Variants in RBM47 observed in about 807,000 individuals in gnomAD.
RBM47 encodes the protein RNA binding motif protein 47.
In RBM47, 21 loss-of-function variants were observed where a neutral mutation model predicts 47.1. The observed-to-expected ratio is 0.45, with a 90% CI of 0.32 to 0.64. The LOEUF is 0.64. Among genes scored for constraint, RBM47 ranks in the 30% least tolerant of loss-of-function variants. The pLI, the probability that RBM47 is intolerant of heterozygous loss-of-function variation, is 0.05. For missense variants in RBM47, 708 were observed against 870.9 expected, an observed-to-expected ratio of 0.81 and a Z score of 2.35; for synonymous variants, 375 against 361.7, an observed-to-expected ratio of 1.04 and a Z score of -0.42.
chr4:40,600,999 A>AAAAAAAAAG (rs1338188731), intron 1 of RBM47, among the ~76,000 whole-genome samples: 12 of 147,362 alleles, frequency 8.1e-5, no homozygotes, highest in African/African-American at 3.2e-4. Context: ...AAAAAAAAAA[A>AAAAAAAAAG]AAAGAAAGAA....
chr4:40,560,705 G>T (rs1477634179), intron 1 of RBM47, among the ~76,000 whole-genome samples: 2 of 152,200 alleles, frequency 1.3e-5, no homozygotes, highest in African/African-American at 4.8e-5. Flanking sequence ...GGTGGCTCAT[G>T]CCTGTAATCC....
intron 1 of RBM47, among the ~76,000 whole-genome samples, chr4:40,600,693 T>G (rs1477139768): frequency 1.4e-5 from 2 of 139,796 alleles, no homozygotes; most frequent in African/African-American, 2.7e-5. Flanking sequence ...AGAAAGAAGA[T>G]TTCAAGGCCG....
At chr4:40,446,261 T>C (rs909503413) in intron 3 of RBM47, among the ~76,000 whole-genome samples, 2 of 152,138 alleles carry the variant, frequency 1.3e-5, no homozygotes, top group South Asian at 2.1e-4. Context: ...ACCCTACAGA[T>C]AGGGAAACTG....
intron 1 of RBM47, among the ~76,000 whole-genome samples, chr4:40,622,588 A>G (rs1737364844): frequency 1.3e-5 from 2 of 152,188 alleles, no homozygotes; most frequent in Admixed American, 6.5e-5. Flanking sequence ...TCTGTTTTAA[A>G]AAAGTCACTC....
At chr4:40,467,453 C>A (rs185173985) in intron 2 of RBM47, among the ~76,000 whole-genome samples, 82 of 152,172 alleles carry the variant, frequency 5.4e-4, no homozygotes, top group African/African-American at 1.8e-3. Context: ...CCACGCCTGG[C>A]TAATTTTTGT....
At chr4:40,510,616 C>T (rs1724798048) in intron 2 of RBM47, among the ~76,000 whole-genome samples, 1 of 152,138 alleles carries the variant, frequency 6.6e-6, no homozygotes, top group Admixed American at 6.5e-5. Context: ...AGATGAGACC[C>T]TATCCCAGAG....
chr4:40,540,693 G>A (rs1402959488), intron 2 of RBM47, among the ~76,000 whole-genome samples: 2 of 147,124 alleles, frequency 1.4e-5, no homozygotes, highest in Admixed American at 6.8e-5. Flanking sequence ...GGGGAATAAT[G>A]GGGAAAAAAC....
rs747206841 is a variant in RBM47, at chr4:40,432,772, T to C, written c.1421A>G (p.Glu474Gly). The change falls in exon 6 of 7, where the codon GAG (glutamate) becomes GGG (glycine). Residue 474 changes from glutamate to glycine, a missense_variant. Coordinates refer to ENST00000295971, the MANE Select transcript of RBM47 (RefSeq NM_001098634.2). ...CACAGCAATGGGGCTGATCATGTGC[T>C]CCACTGTGTGGATTTTGCCATCTTC... ...MIEDGKIHTV[E>G]HMISPIAVQP... The C allele has an allele frequency of 1.9e-6, 3 of 1,613,530 alleles. No homozygotes were observed. The South Asian group carries it at 3.3e-5, about 18-fold the overall frequency.
At position 40,544,458 on chromosome 4, in the gene RBM47, G is replaced by C. The variant is rs1288301424; in HGVS notation, c.-191C>G. On this transcript the variant is annotated 5_prime_UTR_variant, in exon 2 of 7. Transcript: ENST00000295971. ...AGTGAGCCAAGGATTGCTGATCTCTGCTGGGTGACCTGACGCAGAGTCTCT... is the reference window on the plus strand; with the variant it reads ...AGTGAGCCAAGGATTGCTGATCTCTCCTGGGTGACCTGACGCAGAGTCTCT... The C allele has an allele frequency of 6.6e-6, 1 of 152,198 alleles. No individual in the cohort carries two copies. Among genetic ancestry groups the C allele is most frequent in the Non-Finnish European group, 1.5e-5 (1 of 68,056 alleles). 9.4% of individuals were successfully genotyped at this position (152,198 alleles called of 1,614,324 possible).
chr4:40,583,727 G>A lies in RBM47; in HGVS notation c.-239-39221C>T, dbSNP rs1292099497. Reference sequence around the variant, plus strand: ...CAAAAAATTAGCCGGGCGCGGTGGCGGGCGCCTGTAGTCCCAGCTACTCGA... The same window carrying A: ...CAAAAAATTAGCCGGGCGCGGTGGCAGGCGCCTGTAGTCCCAGCTACTCGA... On this transcript the variant is annotated intron_variant, in intron 1 of 6. Transcript: ENST00000295971. Among the ~76,000 whole-genome samples, 36 of 151,640 alleles carry A rather than the reference G, an allele frequency of 2.4e-4. No individual in the cohort carries two copies. The East Asian group carries it at 4.1e-3, about 17-fold the overall frequency.
intron 6 of RBM47, among the ~76,000 whole-genome samples, chr4:40,430,259 A>T (rs74834163): frequency 6.9e-6 from 1 of 144,042 alleles, no homozygotes; most frequent in African/African-American, 2.6e-5. Context: ...CAAAAAAAAA[A>T]CCCTGATGGC....
At chr4:40,429,992 A>G (rs1278265088) in intron 6 of RBM47, among the ~76,000 whole-genome samples, 2 of 151,964 alleles carry the variant, frequency 1.3e-5, no homozygotes, top group African/African-American at 2.4e-5. Context: ...CAGGAGATCA[A>G]GACCATCCTG....
At chr4:40,467,776 T>G (rs78186757) in intron 2 of RBM47, among the ~76,000 whole-genome samples, 2,211 of 152,310 alleles carry the variant, frequency 0.015, 23 homozygotes, top group Middle Eastern at 0.031. Flanking sequence ...AACTTTTATT[T>G]TTATTTCAAT....
At chr4:40,476,479 A>G (rs1719627715) in intron 2 of RBM47, among the ~76,000 whole-genome samples, 2 of 152,090 alleles carry the variant, frequency 1.3e-5, no homozygotes, top group South Asian at 4.1e-4. Context: ...TGATTTACTC[A>G]TAAGAAGTGG....
intron 6 of RBM47, chr4:40,427,539 T>C (rs759397330): frequency 2.0e-5 from 3 of 152,214 alleles, no homozygotes; most frequent in East Asian, 1.9e-4. Flanking sequence ...AGATGCTTCA[T>C]TGAAAAGAGA....
At chr4:40,465,102 C>T (rs1440135144) in intron 3 of RBM47, among the ~76,000 whole-genome samples, 3 of 151,902 alleles carry the variant, frequency 2.0e-5, no homozygotes, top group Admixed American at 1.3e-4. Context: ...CTCTCTGAGT[C>T]CCTGAATTCA....
chr4:40,602,514 G>T (rs1306516397), intron 1 of RBM47, among the ~76,000 whole-genome samples: 2 of 151,836 alleles, frequency 1.3e-5, no homozygotes, highest in Non-Finnish European at 2.9e-5. Context: ...TGGGCATGGT[G>T]GCGCACGCCT....
chr4:40,539,505 C>T (rs1287586876), intron 2 of RBM47, among the ~76,000 whole-genome samples: 1 of 151,934 alleles, frequency 6.6e-6, no homozygotes, highest in East Asian at 1.9e-4. Flanking sequence ...CTTTGGGAGG[C>T]CGAGGCAGGT....
At chr4:40,604,196 T>G (rs1256579588) in intron 1 of RBM47, among the ~76,000 whole-genome samples, 1 of 152,202 alleles carries the variant, frequency 6.6e-6, no homozygotes. Context: ...TCTGTAATAT[T>G]ACACAGGACC....
Sources: allele counts gnomAD v4.1 joint callset (sites outside exome capture counted in the v4.1 genomes callset), GRCh38; gene constraint gnomAD v4.1.1; transcripts MANE v1.5; gene names NCBI Gene and HGNC (gene_info 2026-07-23, HGNC 2026-07-21).